Variants in DOCK4 observed in about 807,000 individuals in gnomAD.
DOCK4 encodes dedicator of cytokinesis protein 4.
DOCK4 carries 97 observed loss-of-function variants against 268.1 expected under a neutral mutation model. The ratio of observed to expected loss-of-function variants is 0.36; its 90% CI spans 0.31 to 0.43. DOCK4 has a LOEUF of 0.43. DOCK4 is among the 20% of genes least tolerant of loss of function. The pLI is 1.00. For missense variants in DOCK4, 2,145 were observed against 2,455.7 expected (o/e 0.87, Z 2.67); for synonymous variants, 954 against 887.2 (o/e 1.08, Z -1.34).
At chr7:111,840,248 AG>A (rs1803575097) in intron 25 of DOCK4, among the ~76,000 whole-genome samples, 1 of 152,236 alleles carries the variant, frequency 6.6e-6, no homozygotes, top group African/African-American at 2.4e-5. Flanking sequence ...GAATTAACCC[AG>A]GCCCATTTCC....
chr7:111,844,131 C>T (rs1206466413), intron 25 of DOCK4, among the ~76,000 whole-genome samples: 4 of 151,964 alleles, frequency 2.6e-5, no homozygotes, highest in South Asian at 2.1e-4. Context: ...AAAAATTAGC[C>T]GGGTGTGGTG....
At chr7:111,959,107 C>A (rs1796664565) in intron 8 of DOCK4, among the ~76,000 whole-genome samples, 1 of 152,054 alleles carries the variant, frequency 6.6e-6, no homozygotes, top group African/African-American at 2.4e-5. Flanking sequence ...TGCCTTTCAA[C>A]AGGAGGCCCG....
At chr7:111,795,119 G>T (rs183062904) in intron 30 of DOCK4, among the ~76,000 whole-genome samples, 34 of 152,232 alleles carry the variant, frequency 2.2e-4, no homozygotes, top group African/African-American at 7.9e-4. Context: ...GGGTTGGGGA[G>T]TCCTCACTCT....
At chr7:112,201,170 G>T (rs2116879205) in intron 1 of DOCK4, among the ~76,000 whole-genome samples, 1 of 152,264 alleles carries the variant, frequency 6.6e-6, no homozygotes, top group Admixed American at 6.5e-5. Context: ...TATGATTAAA[G>T]CATCTTTCTA....
chr7:111,858,442 G>C (rs980046451), intron 23 of DOCK4, among the ~76,000 whole-genome samples: 2 of 152,160 alleles, frequency 1.3e-5, no homozygotes, highest in African/African-American at 4.8e-5. Flanking sequence ...CCCTGGAATT[G>C]CTAGACAGAG....
intron 1 of DOCK4, among the ~76,000 whole-genome samples, chr7:112,079,707 CT>C (rs1808409580): frequency 6.6e-6 from 1 of 152,164 alleles, no homozygotes; most frequent in South Asian, 2.1e-4. Flanking sequence ...CTACTCTGTG[CT>C]TTAGTTTCTT....
At chr7:112,121,918 T>C (rs925058610) in intron 1 of DOCK4, among the ~76,000 whole-genome samples, 1 of 152,182 alleles carries the variant, frequency 6.6e-6, no homozygotes, top group East Asian at 1.9e-4. Context: ...ACAGAGTATA[T>C]AGTATAGAAT....
At chr7:112,172,320 C>T (rs373140605) in intron 1 of DOCK4, among the ~76,000 whole-genome samples, 145 of 152,152 alleles carry the variant, frequency 9.5e-4, no homozygotes, top group Non-Finnish European at 1.5e-3. Context: ...ATAAGAAAGC[C>T]AGAAGCTTTA....
chr7:112,166,964 C>T (rs146148234), intron 1 of DOCK4, among the ~76,000 whole-genome samples: 1 of 152,128 alleles, frequency 6.6e-6, no homozygotes, highest in African/African-American at 2.4e-5. Flanking sequence ...ATTTTCATTA[C>T]TTTAATGAAA....
At chr7:112,038,160 T>C (rs371258949) in intron 1 of DOCK4, among the ~76,000 whole-genome samples, 2 of 152,232 alleles carry the variant, frequency 1.3e-5, no homozygotes, top group South Asian at 2.1e-4. Context: ...TCCCAGATCA[T>C]AACATTTTAT....
intron 12 of DOCK4, among the ~76,000 whole-genome samples, chr7:111,932,762 CA>C (rs560870386): frequency 1.1e-3 from 160 of 152,170 alleles, no homozygotes; most frequent in Non-Finnish European, 1.6e-3. Context: ...ATGTTCTTTA[CA>C]ATTACAGCAC....
At chr7:111,766,332 T>C (rs896256958) in intron 38 of DOCK4, among the ~76,000 whole-genome samples, 13 of 152,124 alleles carry the variant, frequency 8.5e-5, no homozygotes, top group African/African-American at 3.1e-4. Context: ...TAAAAGGCAA[T>C]ATTGTACTCT....
chr7:112,071,605 C>CA (rs1422087870), intron 1 of DOCK4, among the ~76,000 whole-genome samples: 3 of 152,198 alleles, frequency 2.0e-5, no homozygotes, highest in Non-Finnish European at 4.4e-5. Context: ...GAATGCCATA[C>CA]AAATTGTAAA....
At chr7:111,930,352 T>C (rs1292044296) in intron 12 of DOCK4, among the ~76,000 whole-genome samples, 1 of 152,212 alleles carries the variant, frequency 6.6e-6, no homozygotes, top group African/African-American at 2.4e-5. Flanking sequence ...GCCCAGTTAA[T>C]TGGTGAATCC....
chr7:111,958,455 T>C (rs566592439), intron 8 of DOCK4, among the ~76,000 whole-genome samples: 2 of 152,210 alleles, frequency 1.3e-5, no homozygotes, highest in South Asian at 2.1e-4. Flanking sequence ...GTAGCAGACA[T>C]AGGGCAAAGG....
chr7:111,774,642 T>C (rs949267879), intron 36 of DOCK4, among the ~76,000 whole-genome samples: 2 of 152,114 alleles, frequency 1.3e-5, no homozygotes, highest in African/African-American at 4.8e-5. Flanking sequence ...GAGCTGATCC[T>C]GAAGGATGAA....
At chr7:111,914,352 C>A (rs1256568222) in intron 13 of DOCK4, among the ~76,000 whole-genome samples, 2 of 152,284 alleles carry the variant, frequency 1.3e-5, no homozygotes, top group African/African-American at 4.8e-5. Flanking sequence ...ATACAGCAAC[C>A]ACAGTGATCC....
chr7:112,064,508 A>G (rs1806743954), intron 1 of DOCK4, among the ~76,000 whole-genome samples: 1 of 152,208 alleles, frequency 6.6e-6, no homozygotes, highest in Admixed American at 6.5e-5. Context: ...TTGCAGGGAC[A>G]CTAAGTCTCT....
intron 6 of DOCK4, 51 bp from the exon 7 acceptor site, chr7:111,984,441 T>A: frequency 1.3e-6 from 2 of 1,504,864 alleles, no homozygotes; most frequent in Non-Finnish European, 1.8e-6. Context: ...CCATGAAATA[T>A]GTTAAAAACA....
Sources: allele counts gnomAD v4.1 joint callset (sites outside exome capture counted in the v4.1 genomes callset), GRCh38; gene constraint gnomAD v4.1.1; transcripts MANE v1.5; gene names NCBI Gene and HGNC (gene_info 2026-07-23, HGNC 2026-07-21).